The following IRAK1BP1 variants were observed in gnomAD, a reference collection of about 807,000 sequenced individuals.
IRAK1BP1 encodes the protein interleukin 1 receptor associated kinase 1 binding protein 1.
Under a neutral mutation model 28.0 loss-of-function variants are expected in IRAK1BP1, and 24 were observed. The observed-to-expected ratio is 0.86, with a 90% confidence interval of 0.62 to 1.20. The LOEUF is 1.20. Among genes scored for constraint, IRAK1BP1 ranks in the 50% most tolerant of loss-of-function variants. The probability of loss-of-function intolerance (pLI) is 0.00; values close to 1 mark genes in which losing one functional copy is unlikely to be tolerated. For synonymous variants in IRAK1BP1, 131 were observed against 116.3 expected (o/e 1.13, Z -0.81); for missense variants, 336 against 316.7 (o/e 1.06, Z -0.46).
chr6:78,969,066 A>T, the IRAK1BP1 span, among the ~76,000 whole-genome samples: 441 of 152,306 alleles, frequency 2.9e-3, 2 homozygotes, highest in African/African-American at 9.8e-3. Context: ...GATGAAACAC[A>T]TCTTTCAAAA....
intron 4 of IRAK1BP1, among the ~76,000 whole-genome samples, chr6:78,913,598 A>T (rs1772481538): frequency 6.6e-6 from 1 of 152,160 alleles, no homozygotes; most frequent in Admixed American, 6.5e-5. Flanking sequence ...GTGAGCCAAG[A>T]TTACACACTG....
chr6:78,918,424 A>G (rs947327738), intron 4 of IRAK1BP1, among the ~76,000 whole-genome samples: 1 of 152,006 alleles, frequency 6.6e-6, no homozygotes, highest in Non-Finnish European at 1.5e-5. Flanking sequence ...AACAAGACCT[A>G]TCTGTCTGCT....
intron 2 of IRAK1BP1, among the ~76,000 whole-genome samples, chr6:78,887,854 T>A (rs191150983): frequency 6.6e-6 from 1 of 152,150 alleles, no homozygotes; most frequent in Non-Finnish European, 1.5e-5. Flanking sequence ...CACTCCTGGG[T>A]GTATATCCAA....
downstream of IRAK1BP1, among the ~76,000 whole-genome samples, chr6:78,903,801 CTCCTA>C (rs1362675202): frequency 6.6e-6 from 1 of 152,030 alleles, no homozygotes; most frequent in African/African-American, 2.4e-5. Context: ...AAGATTCTGT[CTCCTA>C]TCCTGCTCCT....
In IRAK1BP1 at chr6:78,902,663, G is replaced by T. The variant is rs542228848; in HGVS notation, c.*4329G>T. ...GCGTGTGACTGTAATCTCAGCTACC[G>T]GGGAGGCTGAAGCAGAAGAAACGCT... On this transcript the variant is annotated 3_prime_UTR_variant, in exon 4 of 4. Coordinates refer to ENST00000369940, the MANE Select transcript of IRAK1BP1 (RefSeq NM_001010844.4). 9.7e-6 allele frequency: 2 copies of T among 206,416 alleles called. No homozygotes were observed. The highest frequency in any genetic ancestry group is 1.9e-5 in the Non-Finnish European group (2 of 103,056). 12.8% of individuals were successfully genotyped at this position (206,416 alleles called of 1,614,324 possible). A position where few individuals can be genotyped will look rare whatever the true frequency, so the allele number is the denominator to read the frequency against.
At chr6:78,908,569 G>C (rs1342830014) in intron 4 of IRAK1BP1, among the ~76,000 whole-genome samples, 1 of 152,036 alleles carries the variant, frequency 6.6e-6, no homozygotes, top group Non-Finnish European at 1.5e-5. Flanking sequence ...TCAAACTCCT[G>C]GCCTCAGCTT....
At chr6:78,878,642 G>A (rs1771102068) in intron 1 of IRAK1BP1, among the ~76,000 whole-genome samples, 1 of 152,224 alleles carries the variant, frequency 6.6e-6, no homozygotes, top group Non-Finnish European at 1.5e-5. Flanking sequence ...GCTGGACTGA[G>A]AATGACTTTG....
chr6:78,961,901 TA>T, the IRAK1BP1 span: 1 of 911,206 alleles, frequency 1.1e-6, no homozygotes, highest in South Asian at 1.7e-5. Context: ...TAAAAAGTCC[TA>T]ATCTACATAA....
At chr6:78,897,789 C>G in intron 2 of IRAK1BP1, 40 bp from the exon 3 acceptor site, 1 of 1,581,680 alleles carries the variant, frequency 6.3e-7, no homozygotes, top group Non-Finnish European at 8.6e-7. Flanking sequence ...TGAAACAGTA[C>G]ATCAGACATG....
chr6:78,954,487 G>T, the IRAK1BP1 span, among the ~76,000 whole-genome samples: 3 of 151,628 alleles, frequency 2.0e-5, no homozygotes. Context: ...CTAGATAATT[G>T]CCATAATAAA....
the IRAK1BP1 span, chr6:78,954,836 G>A: frequency 6.3e-7 from 1 of 1,579,682 alleles, no homozygotes; most frequent in Non-Finnish European, 8.6e-7. Flanking sequence ...GAGATCTACC[G>A]GCTGACGGAA....
chr6:78,940,248 G>T (rs529862346), intron 4 of IRAK1BP1: 5 of 151,578 alleles, frequency 3.3e-5, no homozygotes, highest in Admixed American at 1.3e-4. Flanking sequence ...ATCTTTTAGG[G>T]GCATGACTTG....
intron 1 of IRAK1BP1, among the ~76,000 whole-genome samples, chr6:78,870,802 C>T (rs556055603): frequency 4.3e-4 from 66 of 152,160 alleles, no homozygotes; most frequent in Non-Finnish European, 2.1e-4. Flanking sequence ...ACCTCCGCCT[C>T]CCAGGTTCAA....
intron 4 of IRAK1BP1, among the ~76,000 whole-genome samples, chr6:78,908,409 G>C (rs931475008): frequency 6.6e-6 from 1 of 152,032 alleles, no homozygotes; most frequent in South Asian, 2.1e-4. Flanking sequence ...GAATGCAGTG[G>C]TGCCATCATA....
downstream of IRAK1BP1, among the ~76,000 whole-genome samples, chr6:78,906,147 C>T (rs528653864): frequency 4.3e-4 from 65 of 152,084 alleles, no homozygotes; most frequent in South Asian, 2.7e-3. Context: ...GTTAAGTCTT[C>T]TGGAAGTAAG....
chr6:78,941,682 G>C (rs1177761031), intron 4 of IRAK1BP1, among the ~76,000 whole-genome samples: 1 of 152,108 alleles, frequency 6.6e-6, no homozygotes, highest in Non-Finnish European at 1.5e-5. Context: ...TCTTAGAACT[G>C]TTTAAAGAGG....
At chr6:78,972,558 C>A in the IRAK1BP1 span, among the ~76,000 whole-genome samples, 1 of 152,120 alleles carries the variant, frequency 6.6e-6, no homozygotes, top group Non-Finnish European at 1.5e-5. Flanking sequence ...GAGAAGAAGG[C>A]TTCAGACGAT....
At chr6:78,868,002 CGT>C in intron 1 of IRAK1BP1, 111 bp downstream of exon 1, 1 of 1,165,690 alleles carries the variant, frequency 8.6e-7, no homozygotes, top group African/African-American at 1.6e-5. Flanking sequence ...GGGTCTGGAG[CGT>C]TTAGGACGCG....
chr6:78,913,751 C>CT (rs1355021292), intron 4 of IRAK1BP1, among the ~76,000 whole-genome samples: 1 of 152,134 alleles, frequency 6.6e-6, no homozygotes, highest in Non-Finnish European at 1.5e-5. Flanking sequence ...GAAACCTCTA[C>CT]TTTTTTCACT....
Sources: allele counts gnomAD v4.1 joint callset (sites outside exome capture counted in the v4.1 genomes callset), GRCh38; gene constraint gnomAD v4.1.1; transcripts MANE v1.5; gene names NCBI Gene and HGNC (gene_info 2026-07-23, HGNC 2026-07-21).